Variants in DDX10 observed in about 807,000 individuals in gnomAD.
DDX10 encodes probable ATP-dependent RNA helicase DDX10.
In DDX10, 74 loss-of-function variants were observed where a neutral mutation model predicts 104.3. That is an observed-to-expected ratio of 0.71 (90% CI 0.59 to 0.86). The LOEUF is 0.86. Among genes scored for constraint, DDX10 ranks in the 40% least tolerant of loss-of-function variants. The pLI is 0.00. For missense variants in DDX10, 952 were observed against 1,040.0 expected, an observed-to-expected ratio of 0.92 and a Z score of 1.16; for synonymous variants, 351 against 353.4, an observed-to-expected ratio of 0.99 and a Z score of 0.08.
intron 1 of DDX10, among the ~76,000 whole-genome samples, chr11:108,665,686 C>T (rs1275799960): frequency 6.6e-6 from 1 of 152,048 alleles, no homozygotes; most frequent in Admixed American, 6.5e-5. Context: ...AATTGTTTGA[C>T]TTGATCTGAG....
chr11:108,675,804 A>G (rs771979184), intron 3 of DDX10, 78 bp downstream of exon 3: 41 of 1,526,988 alleles, frequency 2.7e-5, no homozygotes, highest in Middle Eastern at 1.9e-4. Context: ...GATTATATAA[A>G]GAGATGTTTT....
At chr11:108,907,574 A>C (rs1292730748) in intron 16 of DDX10, among the ~76,000 whole-genome samples, 1 of 152,008 alleles carries the variant, frequency 6.6e-6, no homozygotes, top group Non-Finnish European at 1.5e-5. Context: ...ATTGCCTCTC[A>C]TCCCCTCAAA....
At chr11:108,858,365 TG>T (rs1862898828) in intron 16 of DDX10, among the ~76,000 whole-genome samples, 1 of 152,192 alleles carries the variant, frequency 6.6e-6, no homozygotes, top group African/African-American at 2.4e-5. Flanking sequence ...TTTTCATGGA[TG>T]GCACATAATA....
At chr11:108,837,158 C>T (rs1407342010) in intron 13 of DDX10, among the ~76,000 whole-genome samples, 3 of 152,150 alleles carry the variant, frequency 2.0e-5, no homozygotes, top group Admixed American at 1.3e-4. Flanking sequence ...TTTAATCCTC[C>T]CAATAACTGT....
At chr11:108,918,046 C>A (rs538854664) in intron 17 of DDX10, 28 bp downstream of exon 17, 3 of 1,591,402 alleles carry the variant, frequency 1.9e-6, no homozygotes, top group African/African-American at 1.3e-5. Flanking sequence ...GTATGAAATA[C>A]ATACTTAGTA....
At chr11:108,768,888 G>C (rs781456377) in intron 13 of DDX10, among the ~76,000 whole-genome samples, 2 of 151,802 alleles carry the variant, frequency 1.3e-5, no homozygotes, top group Non-Finnish European at 2.9e-5. Context: ...AGTTATTTCA[G>C]TGAGAGTATG....
In DDX10 at chr11:108,838,287, G is replaced by A. The variant is rs917461084; in HGVS notation, c.1966-159G>A. The A allele has an allele frequency of 7.0e-6, 5 of 715,496 alleles. No homozygotes were observed. The African/African-American group carries it at 7.3e-5, about 10-fold the overall frequency. The allele number at this position is 715,496 out of a possible 1,614,324, so 44.3% of individuals were successfully genotyped here. A position where few individuals can be genotyped will look rare whatever the true frequency, so the allele number is the denominator to read the frequency against. On this transcript the variant is annotated intron_variant, in intron 13 of 17. Transcript: ENST00000322536. ...TTTGGGAGGAGTTCTTAGTTAATAA[G>A]TCAAATAATGTTATTCCTGGACAGT...
intron 6 of DDX10, among the ~76,000 whole-genome samples, chr11:108,688,074 ATAAT>A (rs2094247154): frequency 6.6e-6 from 1 of 152,186 alleles, no homozygotes; most frequent in African/African-American, 2.4e-5. Flanking sequence ...CAGTTGCATA[ATAAT>A]TAATGTATGT....
At chr11:108,670,513 A>G (rs2094215628) in intron 1 of DDX10, among the ~76,000 whole-genome samples, 1 of 152,210 alleles carries the variant, frequency 6.6e-6, no homozygotes, top group Non-Finnish European at 1.5e-5. Flanking sequence ...GCCATTGACT[A>G]GGAGCAGCCC....
chr11:108,806,420 G>A (rs1862101926), intron 13 of DDX10, among the ~76,000 whole-genome samples: 1 of 152,058 alleles, frequency 6.6e-6, no homozygotes, highest in Non-Finnish European at 1.5e-5. Flanking sequence ...TTGGTATGTA[G>A]GATATCCATA....
chr11:108,833,944 G>A (rs1489615107), intron 13 of DDX10, among the ~76,000 whole-genome samples: 1 of 151,962 alleles, frequency 6.6e-6, no homozygotes, highest in Non-Finnish European at 1.5e-5. Context: ...ACCTTTTACT[G>A]TATTTCTCTC....
At chr11:108,832,230 G>C (rs1862482929) in intron 13 of DDX10, among the ~76,000 whole-genome samples, 2 of 151,874 alleles carry the variant, frequency 1.3e-5, no homozygotes, top group African/African-American at 4.8e-5. Context: ...TTCTAAAAAA[G>C]TAAAATCTGC....
chr11:108,899,510 T>G (rs1408573318), intron 16 of DDX10, among the ~76,000 whole-genome samples: 1 of 149,854 alleles, frequency 6.7e-6, no homozygotes, highest in Admixed American at 6.6e-5. Flanking sequence ...TTTTTTTTTG[T>G]AAAAAGAAAA....
At chr11:108,748,110 A>G (rs2094334058) in intron 13 of DDX10, among the ~76,000 whole-genome samples, 1 of 152,202 alleles carries the variant, frequency 6.6e-6, no homozygotes, top group Admixed American at 6.5e-5. Flanking sequence ...CTTGAAACTT[A>G]CAAGAAAAAA....
intron 13 of DDX10, among the ~76,000 whole-genome samples, chr11:108,768,220 G>C (rs909581225): frequency 3.9e-5 from 6 of 152,150 alleles, no homozygotes; most frequent in Non-Finnish European, 8.8e-5. Flanking sequence ...TGCCTGGGGT[G>C]GTGGGAAGTG....
chr11:108,729,378 A>T (rs2094309178), intron 13 of DDX10, among the ~76,000 whole-genome samples: 1 of 152,176 alleles, frequency 6.6e-6, no homozygotes, highest in African/African-American at 2.4e-5. Context: ...ATAAACTATC[A>T]GTCCCTGAGG....
intron 13 of DDX10, among the ~76,000 whole-genome samples, chr11:108,768,358 T>G (rs2094358836): frequency 6.6e-6 from 1 of 152,342 alleles, no homozygotes. Flanking sequence ...ATCTATACAT[T>G]TATCTTGAGA....
At chr11:108,761,601 A>T (rs1445186838) in intron 13 of DDX10, among the ~76,000 whole-genome samples, 1 of 152,082 alleles carries the variant, frequency 6.6e-6, no homozygotes, top group Non-Finnish European at 1.5e-5. Context: ...GCTCAGAAAA[A>T]CATGTGGGGA....
At chr11:108,915,870 C>G (rs911818339) in intron 16 of DDX10, among the ~76,000 whole-genome samples, 5 of 147,918 alleles carry the variant, frequency 3.4e-5, no homozygotes, top group South Asian at 4.2e-4. Flanking sequence ...AACAATATTG[C>G]AACAGAATGA....
Sources: allele counts gnomAD v4.1 joint callset (sites outside exome capture counted in the v4.1 genomes callset), GRCh38; gene constraint gnomAD v4.1.1; transcripts MANE v1.5; gene names NCBI Gene and HGNC (gene_info 2026-07-23, HGNC 2026-07-21).